ADAT2: variants seen among roughly 807,000 people sequenced by gnomAD.
The protein encoded by ADAT2 is adenosine deaminase tRNA specific 2.
Under a neutral mutation model 25.9 loss-of-function variants are expected in ADAT2, and 26 were observed. The ratio of observed to expected loss-of-function variants is 1.00; its 90% CI spans 0.74 to 1.39. The LOEUF (loss-of-function observed/expected upper bound fraction) is 1.39, where lower values mean the gene tolerates loss of function less well. Among genes scored for constraint, ADAT2 ranks in the 40% most tolerant of loss-of-function variants. The pLI is 0.00. For missense variants in ADAT2, 220 were observed against 244.8 expected (o/e 0.90, Z 0.68); for synonymous variants, 76 against 86.8 (o/e 0.88, Z 0.69).
chr6:143,444,774 CT>C lies in ADAT2; in HGVS notation c.96+5788del, dbSNP rs1429477853. ...TCTATTTTGTCCTTGAATATAATTT[CT>C]TTTTTTTCTCTAGTCAGGGCCTGCC... On this transcript the variant is annotated intron_variant, in intron 1 of 5. Coordinates refer to ENST00000237283, the MANE Select transcript of ADAT2 (RefSeq NM_182503.3). This position sits in a 1 kb window ranked among gnomAD's most constrained non-coding sequence, Gnocchi z 4.3. 2.8e-5 allele frequency: 8 copies of C among 289,918 alleles called. No individual in the cohort carries two copies. The East Asian group carries it at 8.0e-4, about 29-fold the overall frequency. 18.0% of individuals were successfully genotyped at this position (289,918 alleles called of 1,614,324 possible). A position where few individuals can be genotyped will look rare whatever the true frequency, so the allele number is the denominator to read the frequency against.
In ADAT2 at chr6:143,428,745, TA is replaced by T. The variant is rs1583968872; in HGVS notation, c.460-62del. On this transcript the variant is annotated intron_variant, in intron 4 of 5. Coordinates refer to ENST00000237283, the MANE Select transcript of ADAT2 (RefSeq NM_182503.3). This position sits in a 1 kb window ranked among gnomAD's most constrained non-coding sequence, Gnocchi z 5.0. ...CTATGAAAATGTGTGCTGTATCCCA[TA>T]AAAACAACATATATATACATGATTA... 3.4e-6 allele frequency: 5 copies of T among 1,460,846 alleles called. No homozygotes were observed. In the East Asian group the frequency reaches 1.1e-4, roughly 33 times the overall value. The allele number at this position is 1,460,846 out of a possible 1,614,324, so 90.5% of individuals were successfully genotyped here.
At position 143,442,476 on chromosome 6, in the gene ADAT2, TACACACAC is replaced by T. The variant is rs35133336; in HGVS notation, c.97-3790_97-3783del. Among the ~76,000 whole-genome samples, 4 of 142,144 alleles carry T rather than the reference TACACACAC, an allele frequency of 2.8e-5. No individual in the cohort carries two copies. The highest frequency in any genetic ancestry group is 3.1e-5 in the Non-Finnish European group (2 of 65,370). 93.3% of individuals were successfully genotyped at this position (142,144 alleles called of 152,430 possible). ...CATGACAAAATTGCATAGGCACGCA[TACACACAC>T]ACACACACACACACACACACACACA... On this transcript the variant is annotated intron_variant, in intron 1 of 5. Coordinates refer to ENST00000237283, the MANE Select transcript of ADAT2 (RefSeq NM_182503.3). This position sits in a 1 kb window ranked among gnomAD's most constrained non-coding sequence, Gnocchi z 4.6.
Position 143,428,699 on chromosome 6 carries a change from A to T in ADAT2, c.460-15T>A. 6.2e-7 allele frequency: 1 copy of T among 1,613,154 alleles called. No individual in the cohort carries two copies. The highest frequency in any genetic ancestry group is 8.5e-7 in the Non-Finnish European group (1 of 1,179,350). On this transcript the variant is annotated splice_polypyrimidine_tract_variant and intron_variant, in intron 4 of 5. Coordinates refer to ENST00000237283, the MANE Select transcript of ADAT2 (RefSeq NM_182503.3). The surrounding 1 kb of genome is among the most constrained non-coding windows in gnomAD (Gnocchi z 5.0). ...CCAGGGATACACTGATGGAATGAGA[A>T]AGTTGAGAATAAACATAGGCCTATG...
rs1311792316 is a variant in ADAT2, at chr6:143,437,197, A to C, written c.201+1393T>G. Among the ~76,000 whole-genome samples the C allele has an allele frequency of 6.6e-6, 1 of 152,216 alleles. No homozygotes were observed. Among genetic ancestry groups the C allele is most frequent in the Non-Finnish European group, 1.5e-5 (1 of 68,020 alleles). On this transcript the variant is annotated intron_variant, in intron 2 of 5. Coordinates refer to ENST00000237283, the MANE Select transcript of ADAT2 (RefSeq NM_182503.3). This position sits in a 1 kb window ranked among gnomAD's most constrained non-coding sequence, Gnocchi z 4.1. Reference sequence around the variant, plus strand: ...CTATTGATTGGAACTGCTAGGGCGAAGTATATGCAAAATCTACATTTTGAG... The same window carrying C: ...CTATTGATTGGAACTGCTAGGGCGACGTATATGCAAAATCTACATTTTGAG...
At position 143,442,814 on chromosome 6, in the gene ADAT2, G is replaced by C. The variant is rs1366834095; in HGVS notation, c.97-4120C>G. On this transcript the variant is annotated intron_variant, in intron 1 of 5. Transcript: ENST00000237283. The surrounding 1 kb of genome is among the most constrained non-coding windows in gnomAD (Gnocchi z 4.6). ...TCCCAGAAAAACACTAGGCCAAGAAGGAAGGGTGGTCAAGTGTGTCTAATT... is the reference window on the plus strand; with the variant it reads ...TCCCAGAAAAACACTAGGCCAAGAACGAAGGGTGGTCAAGTGTGTCTAATT... Among the ~76,000 whole-genome samples, 1 of 152,166 alleles carries C rather than the reference G, an allele frequency of 6.6e-6. No homozygotes were observed. The highest frequency in any genetic ancestry group is 1.9e-4 in the East Asian group (1 of 5,196).
rs1291187387 is a variant in ADAT2, at chr6:143,434,025, T to C, written c.202-44A>G. The C allele has an allele frequency of 6.2e-7, 1 of 1,604,346 alleles. No individual in the cohort carries two copies. The highest frequency in any genetic ancestry group is 1.7e-5 in the Admixed American group (1 of 58,400). ...TTGCACTGATGCTGTTTGCTTCATG[T>C]GACTACTATTTTACAAATATACAAA... On this transcript the variant is annotated intron_variant, in intron 2 of 5. Coordinates refer to ENST00000237283, the MANE Select transcript of ADAT2 (RefSeq NM_182503.3). This position sits in a 1 kb window ranked among gnomAD's most constrained non-coding sequence, Gnocchi z 4.5.
intron 1 of ADAT2, among the ~76,000 whole-genome samples, chr6:143,445,926 A>G (rs184420187): frequency 2.0e-5 from 3 of 152,318 alleles, no homozygotes; most frequent in Admixed American, 2.0e-4. Context: ...ACACTATAAA[A>G]AAATACAATT....
intron 4 of ADAT2, among the ~76,000 whole-genome samples, chr6:143,430,787 G>A (rs538069510): frequency 5.9e-5 from 9 of 152,098 alleles, no homozygotes; most frequent in African/African-American, 1.4e-4. Context: ...GGATGGTCTC[G>A]ATCTCCTGAC....
chr6:143,438,916 C>T (rs1779374764), intron 1 of ADAT2, among the ~76,000 whole-genome samples: 1 of 152,082 alleles, frequency 6.6e-6, no homozygotes, highest in South Asian at 2.1e-4. Flanking sequence ...CTTGATAGGT[C>T]CAGAGCCCCT....
chr6:143,429,087 A>G (rs1303063224), intron 4 of ADAT2, among the ~76,000 whole-genome samples: 1 of 152,244 alleles, frequency 6.6e-6, no homozygotes, highest in Admixed American at 6.5e-5. Context: ...ATAAGTGCTC[A>G]TTAAGCATTA....
In ADAT2 at chr6:143,442,510, C is replaced by CACACACACA. The variant is rs1554279354; in HGVS notation, c.97-3817_97-3816insTGTGTGTGT. On this transcript the variant is annotated intron_variant, in intron 1 of 5. Coordinates refer to ENST00000237283, the MANE Select transcript of ADAT2 (RefSeq NM_182503.3). The surrounding 1 kb of genome is among the most constrained non-coding windows in gnomAD (Gnocchi z 4.6). ...ACACACACACACACACACACACACACGTACAAATAAAACTGATGACATCTT... is the reference window on the plus strand; with the variant it reads ...ACACACACACACACACACACACACACACACACACAGTACAAATAAAACTGATGACATCTT... Among the ~76,000 whole-genome samples, 1 of 150,950 alleles carries CACACACACA rather than the reference C, an allele frequency of 6.6e-6. No individual in the cohort carries two copies. The highest frequency in any genetic ancestry group is 1.5e-5 in the Non-Finnish European group (1 of 67,718).
In ADAT2 at chr6:143,446,789, C is replaced by T. The variant is rs766219668; in HGVS notation, c.96+3774G>A. On this transcript the variant is annotated intron_variant, in intron 1 of 5. Coordinates refer to ENST00000237283, the MANE Select transcript of ADAT2 (RefSeq NM_182503.3). The surrounding 1 kb of genome is among the most constrained non-coding windows in gnomAD (Gnocchi z 5.0). ...CTTTGGGGAAGTTACTGAACTTTCTCAGCTTCAATATCCCATCTGAAAATG... is the reference window on the plus strand; with the variant it reads ...CTTTGGGGAAGTTACTGAACTTTCTTAGCTTCAATATCCCATCTGAAAATG... 6.6e-6 allele frequency among the ~76,000 whole-genome samples: 1 copy of T among 151,892 alleles called. No individual in the cohort carries two copies. Among genetic ancestry groups the T allele is most frequent in the African/African-American group, 2.4e-5 (1 of 41,330 alleles).
intron 1 of ADAT2, among the ~76,000 whole-genome samples, chr6:143,445,376 C>T (rs372699084): frequency 3.3e-5 from 5 of 152,040 alleles, no homozygotes; most frequent in African/African-American, 9.7e-5. Flanking sequence ...ATAGTTTCAG[C>T]GTTCATAGAT....
chr6:143,441,983 A>G (rs2128742860), intron 1 of ADAT2: 1 of 152,360 alleles, frequency 6.6e-6, no homozygotes, highest in South Asian at 2.1e-4. Flanking sequence ...ACACTGGAAA[A>G]TAGTTTGGCA....
chr6:143,432,264 G>A lies in ADAT2; in HGVS notation c.459+241C>T, dbSNP rs183863600. ...GTGAAGAGTGTTCGGAGTCAGCTGC[G>A]AAGGGTGGACTCTCCTTCAGGAGGG... On this transcript the variant is annotated intron_variant, in intron 4 of 5. Coordinates refer to ENST00000237283, the MANE Select transcript of ADAT2 (RefSeq NM_182503.3). This position sits in a 1 kb window ranked among gnomAD's most constrained non-coding sequence, Gnocchi z 4.4. Among the ~76,000 whole-genome samples, 4 of 152,098 alleles carry A rather than the reference G, an allele frequency of 2.6e-5. No homozygotes were observed. Among genetic ancestry groups the A allele is most frequent in the Admixed American group, 2.0e-4 (3 of 15,280 alleles).
At position 143,432,762 on chromosome 6, in the gene ADAT2, A is replaced by C; in HGVS notation, c.353-151T>G. ...TTAGGATTCGTCTTATAAACCATACAATCCAGCTACACAGAAGAAAAGGGG... is the reference window on the plus strand; with the variant it reads ...TTAGGATTCGTCTTATAAACCATACCATCCAGCTACACAGAAGAAAAGGGG... On this transcript the variant is annotated intron_variant, in intron 3 of 5. Coordinates refer to ENST00000237283, the MANE Select transcript of ADAT2 (RefSeq NM_182503.3). This position sits in a 1 kb window ranked among gnomAD's most constrained non-coding sequence, Gnocchi z 4.4. 2.8e-6 allele frequency: 2 copies of C among 713,400 alleles called. No individual in the cohort carries two copies. Among genetic ancestry groups the C allele is most frequent in the East Asian group, 2.7e-5 (1 of 37,062 alleles). The allele number at this position is 713,400 out of a possible 1,614,324, so 44.2% of individuals were successfully genotyped here. A position where few individuals can be genotyped will look rare whatever the true frequency, so the allele number is the denominator to read the frequency against.
chr6:143,445,571 A>G (rs1779577793), intron 1 of ADAT2, among the ~76,000 whole-genome samples: 1 of 152,194 alleles, frequency 6.6e-6, no homozygotes, highest in Non-Finnish European at 1.5e-5. Flanking sequence ...TCTATCATTT[A>G]TCTCAACGGA....
chr6:143,432,421 C>T lies in ADAT2; in HGVS notation c.459+84G>A. The T allele has an allele frequency of 2.4e-6, 3 of 1,248,068 alleles. No individual in the cohort carries two copies. Among genetic ancestry groups the T allele is most frequent in the Non-Finnish European group, 3.5e-6 (3 of 858,194 alleles). 77.3% of individuals were successfully genotyped at this position (1,248,068 alleles called of 1,614,324 possible). A position where few individuals can be genotyped will look rare whatever the true frequency, so the allele number is the denominator to read the frequency against. On this transcript the variant is annotated intron_variant, in intron 4 of 5. Coordinates refer to ENST00000237283, the MANE Select transcript of ADAT2 (RefSeq NM_182503.3). This position sits in a 1 kb window ranked among gnomAD's most constrained non-coding sequence, Gnocchi z 4.4. ...GATTCTATCATCGTTTCTTCGTATA[C>T]TGGCCACACACTAGTTATTCACAAG...
rs1481428053 is a variant in ADAT2, at chr6:143,437,631, ATAAG to A, written c.201+955_201+958del. Among the ~76,000 whole-genome samples, 2 of 152,234 alleles carry A rather than the reference ATAAG, an allele frequency of 1.3e-5. No individual in the cohort carries two copies. The highest frequency in any genetic ancestry group is 2.1e-4 in the South Asian group (1 of 4,838). The stretch of plus-strand genomic sequence containing the variant: ...TGTTCTATTTTATGGCTAAAAATAA[ATAAG>A]TAAATAAATGATTTGTGAATCTGGA... On this transcript the variant is annotated intron_variant, in intron 2 of 5. Coordinates refer to ENST00000237283, the MANE Select transcript of ADAT2 (RefSeq NM_182503.3). This position sits in a 1 kb window ranked among gnomAD's most constrained non-coding sequence, Gnocchi z 4.1.
Sources: allele counts gnomAD v4.1 joint callset (sites outside exome capture counted in the v4.1 genomes callset), GRCh38; gene constraint gnomAD v4.1.1; non-coding constraint Gnocchi (gnomAD v3.1); transcripts MANE v1.5; gene names NCBI Gene and HGNC (gene_info 2026-07-23, HGNC 2026-07-21).